SAMMSON: variants seen among roughly 807,000 people sequenced by gnomAD.
SAMMSON encodes the protein long intergenic non-protein coding RNA 1212.
At chr3:70,285,308 T>C (rs1702148768) in intron 6 of SAMMSON, among the ~76,000 whole-genome samples, 1 of 150,374 alleles carries the variant, frequency 6.7e-6, no homozygotes, top group South Asian at 2.1e-4. Flanking sequence ...ATATGTGGTG[T>C]TTGGTTTTTT....
chr3:70,129,464 T>C (rs902211654), intron 4 of SAMMSON, among the ~76,000 whole-genome samples: 5 of 152,188 alleles, frequency 3.3e-5, no homozygotes, highest in African/African-American at 1.2e-4. Flanking sequence ...AAATGTGTGA[T>C]AGTATATGTT....
chr3:70,085,346 C>A (rs188712316), intron 4 of SAMMSON, among the ~76,000 whole-genome samples: 61 of 152,244 alleles, frequency 4.0e-4, no homozygotes, highest in Admixed American at 2.6e-3. Flanking sequence ...TTTTCATTAT[C>A]ACCTTCATGA....
At chr3:70,261,953 C>T (rs1701870860) in intron 6 of SAMMSON, among the ~76,000 whole-genome samples, 1 of 152,138 alleles carries the variant, frequency 6.6e-6, no homozygotes, top group South Asian at 2.1e-4. Flanking sequence ...TTGAACTCTG[C>T]CCTGCCAGCA....
chr3:70,425,622 C>A (rs1314612883), intron 2 of SAMMSON, among the ~76,000 whole-genome samples: 6 of 151,698 alleles, frequency 4.0e-5, no homozygotes, highest in Non-Finnish European at 8.8e-5. Context: ...ACCATGTTAG[C>A]CAGGATGGTC....
intron 3 of SAMMSON, among the ~76,000 whole-genome samples, chr3:70,048,110 C>A (rs2067133847): frequency 6.6e-6 from 1 of 151,784 alleles, no homozygotes; most frequent in Admixed American, 6.6e-5. Context: ...TTTATTCATT[C>A]ATTTTTTTTT....
chr3:70,245,669 CTTTATATATATATATATA>C (rs1280909615), intron 4 of SAMMSON, among the ~76,000 whole-genome samples: 14 of 72,216 alleles, frequency 1.9e-4, no homozygotes, highest in African/African-American at 7.3e-4. Flanking sequence ...TTGCAAACTG[CTTTATATATATATATATA>C]TATATATATA....
At chr3:70,348,279 C>T (rs1170065081) in intron 7 of SAMMSON, among the ~76,000 whole-genome samples, 1 of 152,132 alleles carries the variant, frequency 6.6e-6, no homozygotes, top group Non-Finnish European at 1.5e-5. Flanking sequence ...TGGTCATGGA[C>T]AGAGGGAATA....
intron 9 of SAMMSON, among the ~76,000 whole-genome samples, chr3:70,362,405 T>G (rs1471024013): frequency 6.6e-6 from 1 of 152,174 alleles, no homozygotes; most frequent in African/African-American, 2.4e-5. Context: ...AGAACACGTA[T>G]GTCTTTGACC....
chr3:70,007,764 G>T (rs1257351885), intron 1 of SAMMSON, among the ~76,000 whole-genome samples: 3 of 152,050 alleles, frequency 2.0e-5, no homozygotes, highest in Non-Finnish European at 2.9e-5. Context: ...TTCTTCTAGG[G>T]TTTTTATGGC....
chr3:70,171,999 T>A (rs185583723), intron 4 of SAMMSON, among the ~76,000 whole-genome samples: 14 of 152,070 alleles, frequency 9.2e-5, no homozygotes, highest in African/African-American at 3.4e-4. Context: ...TTCAGTCATT[T>A]TGTCTCTGGA....
intron 7 of SAMMSON, among the ~76,000 whole-genome samples, chr3:70,327,179 C>T (rs960109486): frequency 6.6e-6 from 1 of 152,170 alleles, no homozygotes; most frequent in African/African-American, 2.4e-5. Context: ...ATAATTAATA[C>T]TAATATTCAC....
chr3:70,107,254 T>C (rs1210637671), intron 4 of SAMMSON, among the ~76,000 whole-genome samples: 3 of 152,152 alleles, frequency 2.0e-5, no homozygotes, highest in Non-Finnish European at 4.4e-5. Context: ...GAAGATAGCA[T>C]TTGAATTAGG....
intron 7 of SAMMSON, among the ~76,000 whole-genome samples, chr3:70,324,378 C>G (rs1443587956): frequency 6.6e-6 from 1 of 152,094 alleles, no homozygotes; most frequent in Non-Finnish European, 1.5e-5. Flanking sequence ...CATAGCTTAA[C>G]TAGCCTGAAG....
At chr3:70,148,920 T>C (rs2067560086) in intron 4 of SAMMSON, among the ~76,000 whole-genome samples, 1 of 152,096 alleles carries the variant, frequency 6.6e-6, no homozygotes, top group African/African-American at 2.4e-5. Flanking sequence ...TTATGCCATC[T>C]GAGATTTGGT....
At chr3:70,348,544 G>A (rs1207878258) in intron 7 of SAMMSON, among the ~76,000 whole-genome samples, 1 of 152,104 alleles carries the variant, frequency 6.6e-6, no homozygotes, top group East Asian at 1.9e-4. Flanking sequence ...AATCCTAGGG[G>A]CTCCACCCGA....
At position 70,431,652 on chromosome 3, in the gene SAMMSON, C is replaced by T. The variant is rs531017416; in HGVS notation, n.234-30908C>T. Among the ~76,000 whole-genome samples, 37 of 152,064 alleles carry T rather than the reference C, an allele frequency of 2.4e-4. No individual in the cohort carries two copies. The South Asian group carries it at 4.4e-3, about 18-fold the overall frequency. On this transcript the variant is annotated intron_variant and non_coding_transcript_variant, in intron 2 of 3. Transcript: ENST00000641053. ...CACAATTCACAGATCTTAAGTCTTC[C>T]GTTTAATGATTTTTGACAATTGTAT...
intron 7 of SAMMSON, among the ~76,000 whole-genome samples, chr3:70,325,873 C>T (rs1702577678): frequency 6.6e-6 from 1 of 152,082 alleles, no homozygotes; most frequent in Admixed American, 6.6e-5. Flanking sequence ...CCTGGATAGC[C>T]CTAACATAAC....
At chr3:70,356,371 A>G (rs1036389205) in intron 8 of SAMMSON, among the ~76,000 whole-genome samples, 1 of 152,182 alleles carries the variant, frequency 6.6e-6, no homozygotes, top group Non-Finnish European at 1.5e-5. Context: ...AAACAAAACC[A>G]TCAAATTATA....
chr3:70,285,569 A>G (rs1395832741), intron 6 of SAMMSON, among the ~76,000 whole-genome samples: 1 of 151,662 alleles, frequency 6.6e-6, no homozygotes, highest in African/African-American at 2.4e-5. Flanking sequence ...TTGGGTATAT[A>G]CCCAGTAATG....
Sources: gnomAD v4.1 joint callset for allele counts (sites outside exome capture counted in the v4.1 genomes callset) on GRCh38, gnomAD v4.1.1 for gene constraint, MANE v1.5 for transcripts, NCBI Gene and HGNC (gene_info 2026-07-23, HGNC 2026-07-21) for gene names.